The following TGM2 variants were observed in gnomAD, a reference collection of about 807,000 sequenced individuals.
TGM2 encodes the protein transglutaminase 2, also known as protein-glutamine gamma-glutamyltransferase 2.
In TGM2, 53 loss-of-function variants were observed where a neutral mutation model predicts 75.6. That is an observed-to-expected ratio of 0.70 (90% CI 0.56 to 0.88). The LOEUF is 0.88. Ranked by LOEUF, TGM2 falls within the 40% of genes least tolerant of loss-of-function variation. The pLI, the probability that TGM2 is intolerant of heterozygous loss-of-function variation, is 0.00. For missense variants in TGM2, 842 were observed against 928.5 expected, an observed-to-expected ratio of 0.91 and a Z score of 1.21; for synonymous variants, 374 against 381.1, an observed-to-expected ratio of 0.98 and a Z score of 0.22.
At chr20:38,131,752 G>C (rs548216599) in intron 11 of TGM2, among the ~76,000 whole-genome samples, 1 of 152,058 alleles carries the variant, frequency 6.6e-6, no homozygotes, top group East Asian at 1.9e-4. Flanking sequence ...TGTGGGCTGC[G>C]GCTCCTCTAA....
chr20:38,138,510 C>T, intron 9 of TGM2, 125 bp from the exon 10 acceptor site: 2 of 1,561,656 alleles, frequency 1.3e-6, no homozygotes, highest in Non-Finnish European at 1.7e-6. Context: ...AGCCCCTTCT[C>T]TACATTTCTG....
At chr20:38,146,455 A>C in intron 6 of TGM2, 1 of 551,140 alleles carries the variant, frequency 1.8e-6, no homozygotes, top group Non-Finnish European at 3.2e-6. Context: ...TGAGTTTTTG[A>C]GAACGTGGGC....
At chr20:38,164,531 C>A (rs1256925684) in intron 1 of TGM2, among the ~76,000 whole-genome samples, 1 of 152,120 alleles carries the variant, frequency 6.6e-6, no homozygotes, top group Non-Finnish European at 1.5e-5. Flanking sequence ...AGCAGAGGAC[C>A]AGGGCACGGT....
chr20:38,165,362 C>T (rs2075301237), upstream of TGM2: 5 of 985,236 alleles, frequency 5.1e-6, no homozygotes, highest in Non-Finnish European at 7.6e-6. Flanking sequence ...GGAGGCCACC[C>T]ATTGCCCAGT....
chr20:38,166,481 T>A (rs1171560586), upstream of TGM2: 1 of 152,232 alleles, frequency 6.6e-6, no homozygotes, highest in Non-Finnish European at 1.5e-5. Context: ...TCTGGTCTCT[T>A]GGTCTCCTGT....
intron 10 of TGM2, among the ~76,000 whole-genome samples, chr20:38,133,944 A>C (rs539173079): frequency 6.6e-6 from 1 of 152,262 alleles, no homozygotes; most frequent in Non-Finnish European, 1.5e-5. Flanking sequence ...AAAAAGAGAG[A>C]AAATACAAAC....
At chr20:38,144,974 G>A (rs1312603494) in intron 6 of TGM2, among the ~76,000 whole-genome samples, 2 of 152,216 alleles carry the variant, frequency 1.3e-5, no homozygotes, top group African/African-American at 2.4e-5. Context: ...TTCTGCCGGT[G>A]AGCCTGGGGA....
rs528943283 is a variant in TGM2 at position 38,155,603 on chromosome 20, C to T, written c.433+244G>A. ...GCTCAAGTGATTCTCCCTCCTCAGC[C>T]TCCCAAAGAACCGAGATTACAGGCA... On this transcript the variant is annotated intron_variant, in intron 3 of 12. Transcript: ENST00000361475. 2.1e-3 allele frequency among the ~76,000 whole-genome samples: 326 copies of T among 152,292 alleles called. 1 individual carries two copies. The highest frequency in any genetic ancestry group is 7.6e-3 in the African/African-American group (316 of 41,554).
intron 3 of TGM2, among the ~76,000 whole-genome samples, chr20:38,152,039 C>T (rs778260059): frequency 1.3e-5 from 2 of 152,144 alleles, no homozygotes; most frequent in African/African-American, 2.4e-5. Flanking sequence ...TGCATTCCTT[C>T]CTCCATTAGA....
chr20:38,141,482 G>T, intron 7 of TGM2, 97 bp from the exon 8 acceptor site: 1 of 949,584 alleles, frequency 1.1e-6, no homozygotes, highest in Non-Finnish European at 1.7e-6. Context: ...CCAGATGCAA[G>T]CTCGCCTCGT....
chr20:38,130,580 G>C (rs1306632902), intron 12 of TGM2, among the ~76,000 whole-genome samples: 1 of 152,270 alleles, frequency 6.6e-6, no homozygotes, highest in Non-Finnish European at 1.5e-5. Context: ...CATAAAAGCA[G>C]ATGGTGCATT....
At chr20:38,141,606 C>A (rs1231212041) in intron 7 of TGM2, among the ~76,000 whole-genome samples, 1 of 152,018 alleles carries the variant, frequency 6.6e-6, no homozygotes, top group East Asian at 1.9e-4. Flanking sequence ...GAGCCCTTCT[C>A]AACTCCTCTC....
At position 38,132,409 on chromosome 20, in the gene TGM2, C is replaced by T. The variant is rs758025511; in HGVS notation, c.1707G>A (p.Glu569=). 121 of 1,614,046 alleles carry T rather than the reference C, an allele frequency of 7.5e-5. No individual in the cohort carries two copies. Among genetic ancestry groups the T allele is most frequent in the Non-Finnish European group, 9.3e-5 (110 of 1,180,028 alleles). ...NLIKVRALLV[E]PVINSYLLAE... is the part of the protein sequence containing the mutation. ...CCAGCAGGTAGCTGTTGATAACTGG[C>T]TCCACGAGGAGGGCCCGCACCTTGA... Residue 569 remains glutamate (E), a synonymous_variant, in exon 11 of 13, where the codon GAG becomes GAA. Transcript: ENST00000361475.
At position 38,141,957 on chromosome 20, in the gene TGM2, T is replaced by G. The variant is rs560418554; in HGVS notation, c.995+107A>C. 12 of 1,429,070 alleles carry G rather than the reference T, an allele frequency of 8.4e-6. No homozygotes were observed. The South Asian group carries it at 1.3e-4, about 15-fold the overall frequency. The allele number at this position is 1,429,070 out of a possible 1,614,324, so 88.5% of individuals were successfully genotyped here. A position where few individuals can be genotyped will look rare whatever the true frequency, so the allele number is the denominator to read the frequency against. On this transcript the variant is annotated intron_variant, in intron 7 of 12. Transcript: ENST00000361475. ...CAAGCCTGCTCAAATACTGCTGAAC[T>G]TTTAAGGCCCAATTCAAATGTGACC...
At chr20:38,141,980 A>T in intron 7 of TGM2, 84 bp downstream of exon 7, 1 of 1,548,392 alleles carries the variant, frequency 6.5e-7, no homozygotes, top group Non-Finnish European at 8.9e-7. Flanking sequence ...TTCAAATGTG[A>T]CCTCCTCCAA....
intron 8 of TGM2, 94 bp from the exon 9 acceptor site, chr20:38,139,748 A>T: frequency 6.5e-7 from 1 of 1,531,810 alleles, no homozygotes; most frequent in Non-Finnish European, 8.9e-7. Flanking sequence ...GTAGCCAAAA[A>T]CCTCAAGACC....
At position 38,132,423 on chromosome 20, in the gene TGM2, C is replaced by T. The variant is rs2074845664; in HGVS notation, c.1693G>A (p.Ala565Thr). 1.9e-6 allele frequency: 3 copies of T among 1,614,040 alleles called. No homozygotes were observed. The highest frequency in any genetic ancestry group is 2.2e-5 in the East Asian group (1 of 44,892). ...LTESNLIKVR[A>T]LLVEPVINSY... Reference sequence around the variant, plus strand: ...TTGATAACTGGCTCCACGAGGAGGGCCCGCACCTTGATGAGGTTGGACTCC... The same window carrying T: ...TTGATAACTGGCTCCACGAGGAGGGTCCGCACCTTGATGAGGTTGGACTCC... The change falls in exon 11 of 13, where the codon GCC becomes ACC. Residue 565 changes from alanine to threonine, a missense_variant. Coordinates refer to ENST00000361475, the MANE Select transcript of TGM2 (RefSeq NM_004613.4).
rs1229093198 is a variant in TGM2, at chr20:38,155,989, G to T, written c.291C>A (p.Asp97Glu). The part of the protein sequence containing the change: ...DWTATVVDQQ[D>E]CTLSLQLTTP... ...TGGTGAGCTGCAGCGAGAGGGTGCA[G>T]TCTTGCTGGTCCACCACGGTGGCTG... The change falls in exon 3 of 13, where the codon GAC becomes GAA. Residue 97 changes from aspartate (D) to glutamate (E), a missense_variant. Transcript: ENST00000361475. 6.2e-7 allele frequency: 1 copy of T among 1,613,716 alleles called. No homozygotes were observed. Among genetic ancestry groups the T allele is most frequent in the African/African-American group, 1.3e-5 (1 of 75,080 alleles).
rs753034598 is a variant in TGM2, at chr20:38,146,767, T to G, written c.809A>C (p.Gln270Pro). Reference protein sequence around the residue: ...ILRRWKNHGCQRVKYGQCWVF... With the variant: ...ILRRWKNHGCPRVKYGQCWVF... ...CCAGCACTGGCCATACTTGACGCGC[T>G]GGCAGCCGTGGTTCTTCCAGCGCCG... The change falls in exon 6 of 13, where the codon CAG (glutamine) becomes CCG (proline). Residue 270 changes from glutamine (Q) to proline (P), a missense_variant. Transcript: ENST00000361475. 4.7e-5 allele frequency: 76 copies of G among 1,613,650 alleles called. No homozygotes were observed. The highest frequency in any genetic ancestry group is 5.9e-5 in the Non-Finnish European group (70 of 1,179,916).
Sources: allele counts gnomAD v4.1 joint callset (sites outside exome capture counted in the v4.1 genomes callset), GRCh38; gene constraint gnomAD v4.1.1; transcripts MANE v1.5; gene names NCBI Gene and HGNC (gene_info 2026-07-23, HGNC 2026-07-21).